Variants in OGT observed in about 807,000 individuals in gnomAD.
OGT encodes the protein O-linked N-acetylglucosamine (GlcNAc) transferase.
In OGT, 3 loss-of-function variants were observed where a neutral mutation model predicts 75.8. That is an observed-to-expected ratio of 0.04 (90% CI 0.02 to 0.10). The LOEUF (loss-of-function observed/expected upper bound fraction) is 0.10. OGT is among the 10% of genes least tolerant of loss of function. OGT has a pLI of 1.00. For missense variants in OGT, 260 were observed against 824.4 expected (o/e 0.32, Z 8.38); for synonymous variants, 257 against 289.7 (o/e 0.89, Z 1.15).
Position 71,557,555 on chromosome X carries a change from C to G in OGT, c.1485C>G (p.Asp495Glu), listed in dbSNP as rs573581453. ...AGAAGTTGGTCAGTATTGTGGCTGA[C>G]CAGTTAGAGAAGAATAGGTTGCCTT... is the stretch of plus-strand genomic sequence containing the variant. ...RMKKLVSIVA[D>E]QLEKNRLPSV... Residue 495 changes from aspartate to glutamate, a missense_variant, in exon 12 of 22, where the codon GAC becomes GAG. Physicochemically the swap from Asp to Glu is conservative, Grantham distance 45. Transcript: ENST00000373719. The G allele has an allele frequency of 8.8e-5, 106 of 1,208,604 alleles. 1 individual carries two copies. The South Asian group carries it at 1.8e-3, about 20-fold the overall frequency.
At chrX:71,533,415 T>C (rs2040148985) in intron 1 of OGT, 79 bp downstream of exon 1, 1 of 902,141 alleles carries the variant, frequency 1.1e-6, no homozygotes, top group Admixed American at 2.6e-5. Flanking sequence ...ACTCCTTCCC[T>C]CCCTTCCCTC....
chrX:71,553,071 T>A (rs1055630470), intron 5 of OGT, among the ~76,000 whole-genome samples: 1 of 112,217 alleles, frequency 8.9e-6, no homozygotes, highest in Non-Finnish European at 1.9e-5. Context: ...AGAGTTGTCA[T>A]CTAAGTGAAG....
chrX:71,568,879 C>T (rs971361348), intron 21 of OGT, among the ~76,000 whole-genome samples: 2 of 108,766 alleles, frequency 1.8e-5, no homozygotes, highest in African/African-American at 6.7e-5. Context: ...ACCAAACAAA[C>T]AAAAAAAACC....
intron 14 of OGT, among the ~76,000 whole-genome samples, chrX:71,559,895 A>G (rs1602150411): frequency 8.9e-6 from 1 of 111,887 alleles, no homozygotes; most frequent in East Asian, 2.8e-4. Flanking sequence ...TTGGACATAC[A>G]ACTTTTCTGG....
intron 4 of OGT, chrX:71,545,321 A>G (rs985433100): frequency 8.9e-6 from 1 of 112,088 alleles, no homozygotes; most frequent in Admixed American, 9.5e-5. Flanking sequence ...CAGAAGGACA[A>G]AGCTGGTTTG....
chrX:71,538,188 T>A, intron 3 of OGT, 116 bp downstream of exon 3: 1 of 812,557 alleles, frequency 1.2e-6, no homozygotes, highest in African/African-American at 2.0e-5. Flanking sequence ...AGTTTAGAAA[T>A]GCGTATGTAC....
chrX:71,552,377 C>A (rs2040311624), intron 5 of OGT, among the ~76,000 whole-genome samples: 1 of 106,419 alleles, frequency 9.4e-6, no homozygotes, highest in African/African-American at 3.5e-5. Context: ...GAAATTGGAG[C>A]ACTGAATGGA....
At chrX:71,564,554 G>A in intron 18 of OGT, 47 bp from the exon 19 acceptor site, 1 of 1,018,404 alleles carries the variant, frequency 9.8e-7, no homozygotes, top group African/African-American at 1.9e-5. Context: ...TGAAATATTG[G>A]ACTCCTTTTG....
chrX:71,546,200 C>G, intron 4 of OGT: 1 of 753,707 alleles, frequency 1.3e-6, no homozygotes, highest in Non-Finnish European at 1.6e-6. Flanking sequence ...TGCATGTTTC[C>G]CATATTACAG....
chrX:71,555,724 C>CA (rs977240461), intron 7 of OGT: 3 of 418,585 alleles, frequency 7.2e-6, no homozygotes, highest in African/African-American at 5.0e-5. Context: ...GACTCTGTCT[C>CA]AAAAAAATCA....
At chrX:71,537,052 C>G (rs1223823762) in intron 2 of OGT, 1 of 165,230 alleles carries the variant, frequency 6.1e-6, no homozygotes, top group Non-Finnish European at 1.1e-5. Flanking sequence ...CACTGCAACT[C>G]TGCCTCCTGG....
chrX:71,559,117 G>A, intron 12 of OGT, 150 bp from the exon 13 acceptor site: 1 of 465,978 alleles, frequency 2.1e-6, no homozygotes, highest in East Asian at 3.7e-5. Flanking sequence ...ATAAAGTGCT[G>A]AGGTTGCATC....
In OGT at chrX:71,555,965, A is replaced by G; in HGVS notation, c.936A>G (p.Ala312=). 1.7e-6 allele frequency: 2 copies of G among 1,211,249 alleles called. No individual in the cohort carries two copies. The highest frequency in any genetic ancestry group is 2.2e-6 in the Non-Finnish European group (2 of 895,256). Residue 312 remains alanine (A), a synonymous_variant, in exon 8 of 22, where the codon GCA becomes GCG. Transcript: ENST00000373719. The stretch of plus-strand genomic sequence containing the variant: ...GTTTTGTTTTCTAGGTTGCTGAAGC[A>G]GAAGATTGTTATAATACAGCTCTCC... ...ALKEKGSVAE[A]EDCYNTALRL...
At chrX:71,535,100 T>C (rs2040165441) in intron 1 of OGT, among the ~76,000 whole-genome samples, 1 of 110,782 alleles carries the variant, frequency 9.0e-6, no homozygotes, top group Non-Finnish European at 1.9e-5. Flanking sequence ...ATTCCCAGTT[T>C]AAGTATTTAC....
At chrX:71,567,953 T>A (rs958197562) in intron 20 of OGT, 40 bp from the exon 21 acceptor site, 1 of 1,189,332 alleles carries the variant, frequency 8.4e-7, no homozygotes, top group African/African-American at 1.8e-5. Flanking sequence ...TGTGCTGTTT[T>A]ACGTTCTCAG....
chrX:71,544,904 T>C (rs1381343800), intron 4 of OGT: 1 of 308,804 alleles, frequency 3.2e-6, no homozygotes, highest in Non-Finnish European at 5.7e-6. Flanking sequence ...TGATCTTATG[T>C]GGGAATAAAT....
At chrX:71,565,814 A>G (rs2040412951) in intron 19 of OGT, among the ~76,000 whole-genome samples, 1 of 112,546 alleles carries the variant, frequency 8.9e-6, no homozygotes, top group Admixed American at 9.4e-5. Flanking sequence ...AATTTTATTT[A>G]TACGAACTGG....
intron 19 of OGT, among the ~76,000 whole-genome samples, chrX:71,565,383 T>A: frequency 9.1e-6 from 1 of 109,772 alleles, no homozygotes. Context: ...TGTGCCACCA[T>A]GTCTGGGTAA....
In OGT at chrX:71,557,767, A is replaced by C. The variant is rs1289556240; in HGVS notation, c.1602+95A>C. 6 of 765,629 alleles carry C rather than the reference A, an allele frequency of 7.8e-6. No individual in the cohort carries two copies. The African/African-American group carries it at 1.1e-4, about 14-fold the overall frequency. 63.1% of individuals were successfully genotyped at this position (765,629 alleles called of 1,213,427 possible). On this transcript the variant is annotated intron_variant, in intron 12 of 21. Coordinates refer to ENST00000373719, the MANE Select transcript of OGT (RefSeq NM_181672.3). The stretch of plus-strand genomic sequence containing the variant: ...ATCTGTGGCTTAATGAACGATTATA[A>C]AGTGAACACCACCCAAGTCGAGAAA...
Sources: allele counts gnomAD v4.1 joint callset (sites outside exome capture counted in the v4.1 genomes callset), GRCh38; gene constraint gnomAD v4.1.1; transcripts MANE v1.5; gene names NCBI Gene and HGNC (gene_info 2026-07-23, HGNC 2026-07-21).